The following FTO variants were observed in gnomAD, a reference collection of about 807,000 sequenced individuals.
FTO encodes FTO alpha-ketoglutarate dependent dioxygenase, also known as alpha-ketoglutarate-dependent dioxygenase FTO.
In FTO, 47 loss-of-function variants were observed where a neutral mutation model predicts 63.9. The observed-to-expected ratio is 0.74, with a 90% CI of 0.58 to 0.94. The LOEUF (loss-of-function observed/expected upper bound fraction) is 0.94. Ranked by LOEUF, FTO falls within the 40% of genes least tolerant of loss-of-function variation. The probability of loss-of-function intolerance (pLI) is 0.00; values close to 1 mark genes in which losing one functional copy is unlikely to be tolerated. For synonymous variants in FTO, 207 were observed against 224.4 expected (o/e 0.92, Z 0.69); for missense variants, 562 against 618.1 (o/e 0.91, Z 0.96).
intron 7 of FTO, among the ~76,000 whole-genome samples, chr16:53,894,297 C>T (rs1033466120): frequency 2.0e-5 from 3 of 152,296 alleles, no homozygotes; most frequent in Non-Finnish European, 2.9e-5. Context: ...GATGAGTCTT[C>T]CTCAGCATAG....
chr16:53,788,542 G>T (rs1162696761), intron 1 of FTO, among the ~76,000 whole-genome samples: 1 of 147,794 alleles, frequency 6.8e-6, no homozygotes, highest in Non-Finnish European at 1.5e-5. Context: ...GGTGGAAATT[G>T]CAGTGAGCTG....
intron 8 of FTO, chr16:53,979,568 C>T (rs1273218588): frequency 1.1e-4 from 37 of 336,598 alleles, no homozygotes; most frequent in South Asian, 3.1e-4. Context: ...TGTGTGTGTG[C>T]GCGCGTGTGT....
At chr16:53,797,193 C>T (rs1287789593) in intron 1 of FTO, among the ~76,000 whole-genome samples, 1 of 152,222 alleles carries the variant, frequency 6.6e-6, no homozygotes, top group African/African-American at 2.4e-5. Context: ...GTTACACACA[C>T]TCCACTATTA....
At chr16:53,879,691 TAAAAAAAAAAAAA>T (rs34252518) in intron 5 of FTO, among the ~76,000 whole-genome samples, 140 bp from the exon 6 acceptor site, 1 of 95,114 alleles carries the variant, frequency 1.1e-5, no homozygotes. Context: ...ATCTCAAAAT[TAAAAAAAAAAAAA>T]AAAAAAAAAG....
intron 6 of FTO, among the ~76,000 whole-genome samples, chr16:53,881,065 T>G (rs909603149): frequency 6.6e-6 from 1 of 150,392 alleles, no homozygotes; most frequent in Non-Finnish European, 1.5e-5. Context: ...GAGCTTGCAG[T>G]GAGCCAAGAT....
chr16:53,899,018 TCTTATTACCTGCTTCAC>T (rs1402140556), intron 7 of FTO, among the ~76,000 whole-genome samples: 5 of 152,142 alleles, frequency 3.3e-5, no homozygotes, highest in African/African-American at 9.7e-5. Flanking sequence ...AAATATTACC[TCTTATTACCTGCTTCAC>T]AGGAATATTT....
chr16:53,981,167 G>A (rs1456370201), intron 8 of FTO: 2 of 152,052 alleles, frequency 1.3e-5, no homozygotes, highest in African/African-American at 2.4e-5. Context: ...CATACAACAA[G>A]TTTAAAAATT....
At chr16:53,721,425 A>G (rs956606457) in intron 1 of FTO, among the ~76,000 whole-genome samples, 6 of 152,188 alleles carry the variant, frequency 3.9e-5, no homozygotes, top group Non-Finnish European at 8.8e-5. Context: ...AGCTATTAAT[A>G]TTTTTAAAAT....
At chr16:53,976,484 T>G (rs2083440891) in intron 8 of FTO, among the ~76,000 whole-genome samples, 1 of 152,036 alleles carries the variant, frequency 6.6e-6, no homozygotes, top group Admixed American at 6.6e-5. Context: ...TACCAAAACT[T>G]TGTGTGTTTT....
chr16:53,886,110 A>T (rs2080989465), intron 6 of FTO, among the ~76,000 whole-genome samples: 1 of 152,172 alleles, frequency 6.6e-6, no homozygotes, highest in Admixed American at 6.5e-5. Flanking sequence ...TGAAGGCATT[A>T]TTTATTAAAA....
chr16:53,946,612 A>G (rs577945357), intron 8 of FTO, among the ~76,000 whole-genome samples: 8 of 152,186 alleles, frequency 5.3e-5, no homozygotes, highest in African/African-American at 1.9e-4. Flanking sequence ...GTTGCTGTTT[A>G]CTGAAAAAAT....
intron 1 of FTO, among the ~76,000 whole-genome samples, chr16:53,759,749 A>T (rs2077009860): frequency 6.6e-6 from 1 of 151,674 alleles, no homozygotes; most frequent in Non-Finnish European, 1.5e-5. Context: ...CATTTCCTTG[A>T]CCTAAAAGAC....
intron 8 of FTO, among the ~76,000 whole-genome samples, chr16:53,935,009 C>T (rs2082356921): frequency 6.6e-6 from 1 of 152,156 alleles, no homozygotes; most frequent in Admixed American, 6.5e-5. Flanking sequence ...AGAACTGATG[C>T]TTGCATAGTA....
At chr16:53,900,541 C>G (rs1211053118) in intron 7 of FTO, among the ~76,000 whole-genome samples, 1 of 142,838 alleles carries the variant, frequency 7.0e-6, no homozygotes, top group Non-Finnish European at 1.5e-5. Context: ...TATTTGAAAT[C>G]TATTTTAATA....
intron 3 of FTO, among the ~76,000 whole-genome samples, chr16:53,839,649 C>T (rs1197062214): frequency 2.0e-5 from 3 of 152,070 alleles, no homozygotes; most frequent in African/African-American, 7.2e-5. Flanking sequence ...GTCAAGCAGA[C>T]TGTTACCCTA....
At chr16:53,712,061 C>A (rs1381145450) in intron 1 of FTO, among the ~76,000 whole-genome samples, 1 of 152,134 alleles carries the variant, frequency 6.6e-6, no homozygotes, top group Admixed American at 6.5e-5. Flanking sequence ...CCACTGCACT[C>A]CAGGCTGGGC....
At chr16:53,847,327 CCTT>C (rs1167669544) in intron 4 of FTO, among the ~76,000 whole-genome samples, 9 of 152,188 alleles carry the variant, frequency 5.9e-5, no homozygotes, top group African/African-American at 2.2e-4. Context: ...GGTTCCTGTG[CCTT>C]CTTCTTCCCA....
At chr16:54,059,925 T>G (rs1290319145) in intron 8 of FTO, among the ~76,000 whole-genome samples, 1 of 152,158 alleles carries the variant, frequency 6.6e-6, no homozygotes. Context: ...TTGTTTTCTG[T>G]GTGTGGTGCT....
chr16:54,071,520 G>A lies in FTO; in HGVS notation c.1365-40242G>A, dbSNP rs1227836389. ...CTTGTTTTGTTCTTGTATCATTTGA[G>A]CTCTGTGGCCTGAAACTGATTATAT... On this transcript the variant is annotated intron_variant, in intron 8 of 8. Coordinates refer to ENST00000471389, the MANE Select transcript of FTO (RefSeq NM_001080432.3). The A allele has an allele frequency of 2.0e-5, 3 of 152,358 alleles. No homozygotes were observed. The East Asian group carries it at 5.8e-4, about 29-fold the overall frequency. 9.4% of individuals were successfully genotyped at this position (152,358 alleles called of 1,614,324 possible). A position where few individuals can be genotyped will look rare whatever the true frequency, so the allele number is the denominator to read the frequency against.
Sources: gnomAD v4.1 joint callset for allele counts (sites outside exome capture counted in the v4.1 genomes callset) on GRCh38, gnomAD v4.1.1 for gene constraint, MANE v1.5 for transcripts, NCBI Gene and HGNC (gene_info 2026-07-23, HGNC 2026-07-21) for gene names.